MIA2: variants seen among roughly 807,000 people sequenced by gnomAD.
MIA2 encodes the protein melanoma inhibitory activity protein 2.
In MIA2, 127 loss-of-function variants were observed where a neutral mutation model predicts 167.8. That is an observed-to-expected ratio of 0.76 (90% CI 0.66 to 0.88). The LOEUF (loss-of-function observed/expected upper bound fraction) is 0.88, where lower values mean the gene tolerates loss of function less well. Among genes scored for constraint, MIA2 ranks in the 40% least tolerant of loss-of-function variants. The pLI, the probability that MIA2 is intolerant of heterozygous loss-of-function variation, is 0.00. For synonymous variants in MIA2, 552 were observed against 541.9 expected, an observed-to-expected ratio of 1.02 and a Z score of -0.26; for missense variants, 1,690 against 1,624.7, an observed-to-expected ratio of 1.04 and a Z score of -0.69.
chr14:39,380,691 C>CAAAA (rs145179098), intron 23 of MIA2, among the ~76,000 whole-genome samples: 15 of 85,000 alleles, frequency 1.8e-4, no homozygotes, highest in Non-Finnish European at 2.3e-4. Context: ...GACTCAGACT[C>CAAAA]AAAAAAAAAA....
chr14:39,253,919 A>G (rs1413147030), intron 6 of MIA2, among the ~76,000 whole-genome samples: 1 of 152,240 alleles, frequency 6.6e-6, no homozygotes, highest in Non-Finnish European at 1.5e-5. Flanking sequence ...GATAGAAATA[A>G]TTGAGGAAGC....
chr14:39,356,807 G>A (rs1377319625), intron 23 of MIA2, among the ~76,000 whole-genome samples: 3 of 152,126 alleles, frequency 2.0e-5, no homozygotes, highest in Admixed American at 6.6e-5. Context: ...ATTTCGTTAT[G>A]TACCCAGTAG....
chr14:39,281,106 G>T (rs769929368), intron 9 of MIA2, among the ~76,000 whole-genome samples: 1 of 151,664 alleles, frequency 6.6e-6, no homozygotes. Flanking sequence ...AAAATTTCTT[G>T]TAGAGATGGG....
intron 23 of MIA2, chr14:39,386,487 C>T: frequency 6.7e-7 from 1 of 1,487,142 alleles, no homozygotes; most frequent in Non-Finnish European, 9.3e-7. Flanking sequence ...GCCTGTACTT[C>T]AGGAGACTTG....
chr14:39,250,686 A>T (rs1052694912), intron 4 of MIA2, among the ~76,000 whole-genome samples: 5 of 140,280 alleles, frequency 3.6e-5, no homozygotes, highest in African/African-American at 1.3e-4. Context: ...ATAGAGTGAG[A>T]CTCAGTCTCA....
intron 6 of MIA2, among the ~76,000 whole-genome samples, chr14:39,263,423 G>C (rs1455915033): frequency 6.7e-6 from 1 of 149,696 alleles, no homozygotes; most frequent in African/African-American, 2.5e-5. Flanking sequence ...TTGTAGAGAC[G>C]AGAGCTCACT....
intron 23 of MIA2, among the ~76,000 whole-genome samples, chr14:39,319,865 GCAAA>G (rs1223418328): frequency 2.6e-5 from 4 of 151,804 alleles, no homozygotes; most frequent in Admixed American, 6.6e-5. Context: ...TCAAACTATT[GCAAA>G]CAGTTTAAAT....
intron 9 of MIA2, among the ~76,000 whole-genome samples, chr14:39,288,462 TATATATATA>T (rs1566748089): frequency 2.0e-4 from 4 of 20,042 alleles, no homozygotes; most frequent in African/African-American, 7.0e-4. Flanking sequence ...TATATATATA[TATATATATA>T]TATATTTTTT....
intron 3 of MIA2, 24 bp from the exon 4 acceptor site, chr14:39,246,887 C>CAT (rs2054342467): frequency 2.3e-6 from 3 of 1,293,456 alleles, no homozygotes; most frequent in East Asian, 4.7e-5. Flanking sequence ...TCATGTTAAT[C>CAT]ATATATATAT....
chr14:39,263,981 C>A (rs945562725), intron 6 of MIA2, among the ~76,000 whole-genome samples: 1 of 152,064 alleles, frequency 6.6e-6, no homozygotes, highest in Non-Finnish European at 1.5e-5. Flanking sequence ...TCAAGGGGTA[C>A]ATGTACAGGT....
intron 6 of MIA2, among the ~76,000 whole-genome samples, chr14:39,264,833 CAA>C (rs1176042652): frequency 1.3e-5 from 2 of 152,164 alleles, no homozygotes; most frequent in Non-Finnish European, 2.9e-5. Flanking sequence ...AGGTTGTGAA[CAA>C]AGTTTACTGG....
At chr14:39,371,930 T>C (rs1241873566) in intron 23 of MIA2, among the ~76,000 whole-genome samples, 1 of 152,156 alleles carries the variant, frequency 6.6e-6, no homozygotes, top group African/African-American at 2.4e-5. Flanking sequence ...TAGTATTTAC[T>C]ACTTCAGAAG....
At chr14:39,267,332 G>A (rs1056020132) in intron 6 of MIA2, 2 of 1,539,786 alleles carry the variant, frequency 1.3e-6, no homozygotes, top group African/African-American at 2.8e-5. Context: ...AGCCGGCTCC[G>A]CAGTGGTCCA....
rs146299579 is a variant in MIA2, at chr14:39,307,446, G to A, written c.2879-1003G>A. Among the ~76,000 whole-genome samples the A allele has an allele frequency of 6.3e-3, 830 of 132,248 alleles. 6 individuals carry two copies. The highest frequency in any genetic ancestry group is 0.017 in the African/African-American group (585 of 34,550). The allele number at this position is 132,248 out of a possible 152,430, so 86.8% of individuals were successfully genotyped here. On this transcript the variant is annotated intron_variant, in intron 17 of 28. Coordinates refer to ENST00000640607, the MANE Select transcript of MIA2 (RefSeq NM_001329214.4). ...AGACAGGGTCTCCCTTTGTCATCCA[G>A]GCTGGAGTGCAGTGGCGTGATCTTG...
rs201398321 is a variant in MIA2 at position 39,276,977 on chromosome 14, T to C, written c.1931T>C (p.Leu644Pro). The change falls in exon 7 of 29, where the codon CTT becomes CCT. Residue 644 changes from leucine to proline, a missense_variant. Transcript: ENST00000640607. ...LPEGMRPDSN[L>P]YGFPWELVIC... is the part of the protein sequence containing the mutation. ...GAAGGTATGAGACCAGATTCTAATC[T>C]TTATGGTTTTCCATGGGAATTGGTG... The C allele has an allele frequency of 1.1e-4, 170 of 1,613,872 alleles. No homozygotes were observed. The highest frequency in any genetic ancestry group is 1.3e-4 in the Non-Finnish European group (152 of 1,179,908).
rs1324226780 is a variant in MIA2, at chr14:39,237,007, T to G, written c.201T>G (p.Ser67=). 2 of 1,614,044 alleles carry G rather than the reference T, an allele frequency of 1.2e-6. No individual in the cohort carries two copies. The highest frequency in any genetic ancestry group is 1.7e-6 in the Non-Finnish European group (2 of 1,179,996). Residue 67 remains serine, a synonymous_variant, in exon 2 of 29, where the codon TCT becomes TCG. Transcript: ENST00000640607. ...YLNFTKGEEI[S]VYVKLAGERE... ...ACTTCACTAAGGGAGAAGAGATATC[T>G]GTTTATGTTAAACTTGCAGGAGAAA...
At chr14:39,360,144 A>G in intron 23 of MIA2, among the ~76,000 whole-genome samples, 1 of 152,158 alleles carries the variant, frequency 6.6e-6, no homozygotes, top group South Asian at 2.1e-4. Flanking sequence ...TCTACTAAAA[A>G]TACAAAAATT....
chr14:39,294,242 G>C (rs2061113748), intron 12 of MIA2, among the ~76,000 whole-genome samples, 171 bp downstream of exon 12: 1 of 151,574 alleles, frequency 6.6e-6, no homozygotes, highest in Non-Finnish European at 1.5e-5. Flanking sequence ...GTGTTGCCCA[G>C]GCTGGAGTAT....
chr14:39,352,554 G>A (rs111402059), downstream of MIA2, among the ~76,000 whole-genome samples: 14 of 151,684 alleles, frequency 9.2e-5, 1 homozygote, highest in African/African-American at 2.7e-4. Context: ...TCACCTCTTT[G>A]GTATCTGTGG....
Sources: allele counts gnomAD v4.1 joint callset (sites outside exome capture counted in the v4.1 genomes callset), GRCh38; gene constraint gnomAD v4.1.1; transcripts MANE v1.5; gene names NCBI Gene and HGNC (gene_info 2026-07-23, HGNC 2026-07-21).